KIF5B: variants seen among roughly 807,000 people sequenced by gnomAD.
KIF5B encodes kinesin-1 heavy chain.
A neutral mutation model predicts 132.8 loss-of-function variants in KIF5B; 49 were observed. The ratio of observed to expected loss-of-function variants is 0.37; its 90% CI spans 0.29 to 0.47. KIF5B has a LOEUF of 0.47. Among genes scored for constraint, KIF5B ranks in the 20% least tolerant of loss-of-function variants. The probability of loss-of-function intolerance (pLI) is 1.00; values close to 1 mark genes in which losing one functional copy is unlikely to be tolerated. For missense variants in KIF5B, 780 were observed against 1,144.0 expected (o/e 0.68, Z 4.59); for synonymous variants, 355 against 369.4 (o/e 0.96, Z 0.45).
At position 32,010,987 on chromosome 10, in the gene KIF5B, G is replaced by A. The variant is rs1841070264; in HGVS notation, c.*550C>T. 1 of 151,798 alleles carries A rather than the reference G, an allele frequency of 6.6e-6. No homozygotes were observed. The highest frequency in any genetic ancestry group is 2.4e-5 in the African/African-American group (1 of 41,306). The allele number at this position is 151,798 out of a possible 1,614,324, so 9.4% of individuals were successfully genotyped here. On this transcript the variant is annotated 3_prime_UTR_variant, in exon 26 of 26. Coordinates refer to ENST00000302418, the MANE Select transcript of KIF5B (RefSeq NM_004521.3). The stretch of plus-strand genomic sequence containing the variant: ...TTAACCCTGATATCATCATTTCAAG[G>A]GATTTTAAAATACAGTACTGACTGG...
chr10:32,031,361 A>T, intron 13 of KIF5B, 82 bp from the exon 14 acceptor site: 1 of 1,034,724 alleles, frequency 9.7e-7, no homozygotes, highest in Non-Finnish European at 1.5e-6. Context: ...ATTTGTCAAG[A>T]ACAAATGGAG....
chr10:32,047,109 T>C (rs1232754469), intron 2 of KIF5B, among the ~76,000 whole-genome samples: 1 of 152,206 alleles, frequency 6.6e-6, no homozygotes, highest in Admixed American at 6.5e-5. Flanking sequence ...ATTGAATATT[T>C]CTATTGAATG....
At chr10:32,021,375 C>A in intron 17 of KIF5B, 88 bp from the exon 18 acceptor site, 1 of 923,358 alleles carries the variant, frequency 1.1e-6, no homozygotes. Context: ...TTACAATAAG[C>A]ATTTTCCTTA....
At chr10:32,040,308 T>C in intron 3 of KIF5B, 76 bp downstream of exon 3, 3 of 865,936 alleles carry the variant, frequency 3.5e-6, no homozygotes, top group Admixed American at 1.8e-5. Context: ...TGTTTATGCA[T>C]GGTGAAATAA....
At chr10:32,036,949 A>C (rs1449293627) in intron 8 of KIF5B, among the ~76,000 whole-genome samples, 1 of 151,868 alleles carries the variant, frequency 6.6e-6, no homozygotes, top group Non-Finnish European at 1.5e-5. Context: ...TACGTATCAA[A>C]AATTAGAAAA....
At chr10:32,015,365 C>T in intron 25 of KIF5B, 144 bp downstream of exon 25, 2 of 562,394 alleles carry the variant, frequency 3.6e-6, no homozygotes, top group African/African-American at 1.9e-5. Flanking sequence ...CTAAACTACA[C>T]AAAAAGATCA....
intron 14 of KIF5B, among the ~76,000 whole-genome samples, chr10:32,029,758 CTA>C (rs1841378675): frequency 6.6e-6 from 1 of 152,126 alleles, no homozygotes; most frequent in African/African-American, 2.4e-5. Flanking sequence ...GTCTTAAAGA[CTA>C]AAATCAGCGG....
At chr10:32,043,469 G>A (rs1841568897) in intron 2 of KIF5B, among the ~76,000 whole-genome samples, 1 of 152,122 alleles carries the variant, frequency 6.6e-6, no homozygotes, top group Admixed American at 6.6e-5. Context: ...TATACTCAAG[G>A]AGCAGAGGAA....
chr10:32,037,120 C>T, intron 8 of KIF5B, 134 bp downstream of exon 8: 1 of 718,230 alleles, frequency 1.4e-6, no homozygotes, highest in Non-Finnish European at 2.3e-6. Flanking sequence ...GCACTGGCAT[C>T]AGCGGTTACA....
chr10:32,034,261 A>C (rs1841437153), intron 11 of KIF5B, among the ~76,000 whole-genome samples: 1 of 151,942 alleles, frequency 6.6e-6, no homozygotes, highest in Non-Finnish European at 1.5e-5. Context: ...ACAGGCGCTC[A>C]GCACCATGCC....
chr10:32,017,579 G>T (rs1013680061), intron 23 of KIF5B, among the ~76,000 whole-genome samples: 1 of 152,100 alleles, frequency 6.6e-6, no homozygotes, highest in Admixed American at 6.6e-5. Context: ...ATTTTTTAGG[G>T]GGAGAATTGT....
intron 1 of KIF5B, 83 bp from the exon 2 acceptor site, chr10:32,048,634 T>C (rs1224082440): frequency 2.1e-6 from 2 of 948,398 alleles, no homozygotes; most frequent in East Asian, 2.4e-5. Flanking sequence ...TCATATAATA[T>C]ATTTAATCCT....
intron 15 of KIF5B, among the ~76,000 whole-genome samples, chr10:32,026,850 A>C (rs1157148345): frequency 6.6e-6 from 1 of 152,328 alleles, no homozygotes; most frequent in East Asian, 1.9e-4. Flanking sequence ...TTACTTCACC[A>C]TAAACAGAAT....
Position 32,056,270 on chromosome 10 carries a change from G to T in KIF5B, c.-297C>A. 2.7e-6 allele frequency: 1 copy of T among 367,214 alleles called. No homozygotes were observed. Among genetic ancestry groups the T allele is most frequent in the South Asian group, 2.8e-5 (1 of 35,556 alleles). 22.7% of individuals were successfully genotyped at this position (367,214 alleles called of 1,614,324 possible). A position where few individuals can be genotyped will look rare whatever the true frequency, so the allele number is the denominator to read the frequency against. On this transcript the variant is annotated 5_prime_UTR_variant, in exon 1 of 26. Coordinates refer to ENST00000302418, the MANE Select transcript of KIF5B (RefSeq NM_004521.3). ...CTCAGCGTCCCCCTTTACGGTCTGG[G>T]CGGACTGCGGGGGCTGGGGAGGTTC...
chr10:32,023,019 G>A lies in KIF5B; in HGVS notation c.1743C>T (p.Gly581=), dbSNP rs1430381017. The change falls in exon 16 of 26, where the codon GGC becomes GGT. Residue 581 remains glycine, a synonymous_variant. Transcript: ENST00000302418. ...CAACAGTGAACTCTTCATCTATCAT[G>A]CCAGTTCCCTCAGGCTGCTGTAAGG... The part of the protein sequence containing the change: ...NNDVKQPEGT[G]MIDEEFTVAR... The A allele has an allele frequency of 5.0e-6, 8 of 1,584,560 alleles. No individual in the cohort carries two copies. Among genetic ancestry groups the A allele is most frequent in the Non-Finnish European group, 6.0e-6 (7 of 1,163,078 alleles).
chr10:32,042,473 A>G (rs1333879693), intron 2 of KIF5B, among the ~76,000 whole-genome samples: 1 of 152,206 alleles, frequency 6.6e-6, no homozygotes, highest in African/African-American at 2.4e-5. Context: ...TTCTTACAGT[A>G]TCTGCATTTA....
At chr10:32,019,756 T>G in intron 20 of KIF5B, 102 bp downstream of exon 20, 4 of 714,988 alleles carry the variant, frequency 5.6e-6, no homozygotes, top group Non-Finnish European at 9.2e-6. Flanking sequence ...CTTTAGCCCA[T>G]ACAAAGTAAA....
At chr10:32,015,484 G>T in intron 25 of KIF5B, 25 bp downstream of exon 25, 2 of 1,488,742 alleles carry the variant, frequency 1.3e-6, no homozygotes, top group South Asian at 1.4e-5. Flanking sequence ...AAACAGATAT[G>T]AAAAGCCAGA....
chr10:32,046,586 A>G (rs1318586285), intron 2 of KIF5B, among the ~76,000 whole-genome samples: 1 of 151,920 alleles, frequency 6.6e-6, no homozygotes, highest in Non-Finnish European at 1.5e-5. Context: ...TTCTTTCTTC[A>G]TTTTTATTTT....
Sources: gnomAD v4.1 joint callset for allele counts (sites outside exome capture counted in the v4.1 genomes callset) on GRCh38, gnomAD v4.1.1 for gene constraint, MANE v1.5 for transcripts, NCBI Gene and HGNC (gene_info 2026-07-23, HGNC 2026-07-21) for gene names.